ARHGAP17: variants seen among roughly 807,000 people sequenced by gnomAD.
ARHGAP17 encodes Rho GTPase activating protein 17, also known as rho GTPase-activating protein 17.
ARHGAP17 carries 57 observed loss-of-function variants against 99.5 expected under a neutral mutation model. The ratio of observed to expected loss-of-function variants is 0.57; its 90% confidence interval spans 0.46 to 0.71. The LOEUF is 0.71. Among genes scored for constraint, ARHGAP17 ranks in the 30% least tolerant of loss-of-function variants. ARHGAP17 has a pLI of 0.00. For missense variants in ARHGAP17, 1,000 were observed against 1,122.4 expected, an observed-to-expected ratio of 0.89 and a Z score of 1.56; for synonymous variants, 417 against 429.6, an observed-to-expected ratio of 0.97 and a Z score of 0.36.
chr16:24,967,429 C>G (rs2052220358), intron 6 of ARHGAP17, among the ~76,000 whole-genome samples: 1 of 152,228 alleles, frequency 6.6e-6, no homozygotes, highest in African/African-American at 2.4e-5. Context: ...TGTGATAAAG[C>G]AGGAAACAGG....
intron 1 of ARHGAP17, among the ~76,000 whole-genome samples, chr16:25,013,434 G>A (rs1419924039): frequency 6.6e-6 from 1 of 152,116 alleles, no homozygotes; most frequent in African/African-American, 2.4e-5. Context: ...ACCACCCTAG[G>A]CAACATGGCA....
At chr16:24,923,175 T>C (rs2050758476) in intron 19 of ARHGAP17, among the ~76,000 whole-genome samples, 1 of 152,272 alleles carries the variant, frequency 6.6e-6, no homozygotes, top group Non-Finnish European at 1.5e-5. Flanking sequence ...GCCAGATTGG[T>C]TGCACTCTGG....
chr16:24,978,941 T>C lies in ARHGAP17; in HGVS notation c.93+25A>G, dbSNP rs563199374. 47 of 1,565,958 alleles carry C rather than the reference T, an allele frequency of 3.0e-5. 1 individual carries two copies. The South Asian group carries it at 5.0e-4, about 17-fold the overall frequency. On this transcript the variant is annotated intron_variant, in intron 2 of 19. Coordinates refer to ENST00000289968, the MANE Select transcript of ARHGAP17 (RefSeq NM_001006634.3). ...TTTTTTCCATCCTTTAAACAGATCA[T>C]TTAAAGGAGACTATATTTTGTTACC...
At chr16:24,960,912 C>T (rs1211051670) in intron 7 of ARHGAP17, among the ~76,000 whole-genome samples, 1 of 151,948 alleles carries the variant, frequency 6.6e-6, no homozygotes, top group African/African-American at 2.4e-5. Flanking sequence ...CACTCTGTCA[C>T]CCAAGCTGAA....
intron 1 of ARHGAP17, among the ~76,000 whole-genome samples, chr16:24,982,618 T>G (rs751491399): frequency 1.2e-4 from 18 of 152,106 alleles, no homozygotes; most frequent in Non-Finnish European, 2.2e-4. Context: ...TCTATTCCAA[T>G]AATGTGGTCC....
intron 3 of ARHGAP17, among the ~76,000 whole-genome samples, chr16:24,976,110 G>A (rs1164409702): frequency 6.6e-6 from 1 of 152,132 alleles, no homozygotes; most frequent in African/African-American, 2.4e-5. Flanking sequence ...CCCTATCCAT[G>A]GTAACTAGGG....
intron 18 of ARHGAP17, among the ~76,000 whole-genome samples, chr16:24,934,197 G>T (rs2051072356): frequency 6.6e-6 from 1 of 152,122 alleles, no homozygotes; most frequent in Admixed American, 6.5e-5. Context: ...GTCTTGCTCT[G>T]TTGGCCAGGC....
chr16:24,989,939 T>C (rs1412571666), intron 1 of ARHGAP17, among the ~76,000 whole-genome samples: 2 of 152,172 alleles, frequency 1.3e-5, no homozygotes. Flanking sequence ...TAAGTTCTAG[T>C]ATTCTATAGC....
intron 18 of ARHGAP17, 41 bp from the exon 19 acceptor site, chr16:24,931,445 G>A: frequency 6.7e-7 from 1 of 1,489,032 alleles, no homozygotes; most frequent in Non-Finnish European, 8.9e-7. Flanking sequence ...TAGGAACAGT[G>A]AGGCAGCAAC....
At chr16:24,992,271 G>A (rs1483435421) in intron 1 of ARHGAP17, among the ~76,000 whole-genome samples, 1 of 152,188 alleles carries the variant, frequency 6.6e-6, no homozygotes, top group African/African-American at 2.4e-5. Flanking sequence ...CTAGACGAGA[G>A]ACAAGAACAC....
intron 18 of ARHGAP17, among the ~76,000 whole-genome samples, chr16:24,931,809 T>C (rs2051000005): frequency 6.6e-6 from 1 of 151,984 alleles, no homozygotes; most frequent in Non-Finnish European, 1.5e-5. Context: ...GAACAAAATG[T>C]GGAGTCTAGT....
At chr16:24,920,296 G>T in intron 19 of ARHGAP17, 36 bp from the exon 20 acceptor site, 1 of 1,611,666 alleles carries the variant, frequency 6.2e-7, no homozygotes, top group Non-Finnish European at 8.5e-7. Context: ...GTATCAATGA[G>T]GGGTAACCCC....
chr16:24,963,437 G>A (rs1178859614), intron 7 of ARHGAP17, among the ~76,000 whole-genome samples: 1 of 151,860 alleles, frequency 6.6e-6, no homozygotes, highest in Non-Finnish European at 1.5e-5. Flanking sequence ...AAATATAACA[G>A]TCTTAATATT....
At chr16:24,932,805 G>A (rs1043824505) in intron 18 of ARHGAP17, among the ~76,000 whole-genome samples, 12 of 152,114 alleles carry the variant, frequency 7.9e-5, no homozygotes, top group Non-Finnish European at 1.3e-4. Flanking sequence ...GGGCTGGGAG[G>A]GGTAGGGGGA....
intron 3 of ARHGAP17, among the ~76,000 whole-genome samples, chr16:24,974,548 G>C (rs1248241538): frequency 6.6e-6 from 1 of 152,182 alleles, no homozygotes; most frequent in Non-Finnish European, 1.5e-5. Flanking sequence ...ATGCCCCCAG[G>C]GGTGTAATTC....
intron 6 of ARHGAP17, among the ~76,000 whole-genome samples, chr16:24,967,680 T>C (rs967080792): frequency 6.8e-6 from 1 of 148,050 alleles, no homozygotes; most frequent in Admixed American, 6.9e-5. Context: ...CCCAGCTACC[T>C]GGGATGCCGA....
In ARHGAP17 at chr16:24,968,771, T is replaced by A. The variant is rs1222672011; in HGVS notation, c.274A>T (p.Lys92Ter). Residue 92 changes from lysine to a stop codon, truncating the protein, a stop_gained and splice_region_variant, in exon 5 of 20, where the codon AAG (lysine) becomes TAG (stop). Transcript: ENST00000289968. LOFTEE classifies it high-confidence loss of function. ...GCATCTCCACACGTCTCCAGCATCT[T>A]CCTTTAAAAACAAGACCCCCAACAA... ...STQLEDSLLG[K>*]MLETCGDAEN... 6.2e-7 allele frequency: 1 copy of A among 1,614,030 alleles called. No homozygotes were observed. Among genetic ancestry groups the A allele is most frequent in the East Asian group, 2.2e-5 (1 of 44,888 alleles).
chr16:24,957,668 T>C (rs981836452), intron 9 of ARHGAP17: 1 of 152,216 alleles, frequency 6.6e-6, no homozygotes, highest in Non-Finnish European at 1.5e-5. Context: ...TGCTCTTTTT[T>C]CCTAAACAGC....
intron 9 of ARHGAP17, among the ~76,000 whole-genome samples, chr16:24,958,723 C>G (rs1447663183): frequency 6.6e-6 from 1 of 152,198 alleles, no homozygotes; most frequent in Non-Finnish European, 1.5e-5. Flanking sequence ...CTTGAAGGTG[C>G]TGGTATGTAT....
Sources: allele counts gnomAD v4.1 joint callset (sites outside exome capture counted in the v4.1 genomes callset), GRCh38; gene constraint gnomAD v4.1.1; transcripts MANE v1.5; gene names NCBI Gene and HGNC (gene_info 2026-07-23, HGNC 2026-07-21).